The following KIF26B variants were observed in gnomAD, a reference collection of about 807,000 sequenced individuals.
KIF26B encodes kinesin-like protein KIF26B.
A neutral mutation model predicts 151.2 loss-of-function variants in KIF26B; 63 were observed. That is an observed-to-expected ratio of 0.42 (90% CI 0.34 to 0.51). KIF26B has a LOEUF of 0.51. Ranked by LOEUF, KIF26B falls within the 20% of genes least tolerant of loss-of-function variation. KIF26B has a pLI of 0.07. For missense variants in KIF26B, 2,813 were observed against 2,913.6 expected, an observed-to-expected ratio of 0.97 and a Z score of 0.79; for synonymous variants, 1,357 against 1,262.1, an observed-to-expected ratio of 1.08 and a Z score of -1.59.
chr1:245,251,514 G>T (rs972820152), intron 2 of KIF26B, among the ~76,000 whole-genome samples: 4 of 152,030 alleles, frequency 2.6e-5, no homozygotes, highest in African/African-American at 7.2e-5. Context: ...CATTCATAAA[G>T]GTAGCTCCTT....
chr1:245,213,174 G>GA (rs1401295438), intron 2 of KIF26B, among the ~76,000 whole-genome samples: 2 of 152,242 alleles, frequency 1.3e-5, no homozygotes, highest in East Asian at 3.9e-4. Context: ...CCTCTGGAGG[G>GA]AGAGGAAATT....
intron 4 of KIF26B, among the ~76,000 whole-genome samples, chr1:245,505,531 C>A (rs1312402892): frequency 6.6e-6 from 1 of 151,852 alleles, no homozygotes; most frequent in African/African-American, 2.4e-5. Flanking sequence ...TTTACAGGTG[C>A]CTGCAACCAC....
intron 3 of KIF26B, among the ~76,000 whole-genome samples, chr1:245,396,259 A>G (rs1340032735): frequency 3.9e-5 from 6 of 152,210 alleles, no homozygotes; most frequent in Non-Finnish European, 8.8e-5. Flanking sequence ...CCACAAGAGG[A>G]ACAGTTTTGT....
Position 245,708,058 on chromosome 1 carries a change from A to G in KIF26B, c.*5452A>G, listed in dbSNP as rs2044863550. On this transcript the variant is annotated 3_prime_UTR_variant, in exon 15 of 15. Transcript: ENST00000407071. ...CAATCTTAAGGCATTTTGTCCCCTC[A>G]CTGGGTCCCGAGAGGCAGGGAGGGG... 1 of 152,232 alleles carries G rather than the reference A, an allele frequency of 6.6e-6. No homozygotes were observed. Among genetic ancestry groups the G allele is most frequent in the African/African-American group, 2.4e-5 (1 of 41,450 alleles). The allele number at this position is 152,232 out of a possible 1,614,324, so 9.4% of individuals were successfully genotyped here.
At chr1:245,532,238 C>T (rs373733835) in intron 4 of KIF26B, among the ~76,000 whole-genome samples, 2 of 98,534 alleles carry the variant, frequency 2.0e-5, no homozygotes, top group African/African-American at 3.3e-5. Flanking sequence ...CTTTTCTTTT[C>T]TTTTCTTTTC....
chr1:245,537,858 G>A (rs1661520488), intron 4 of KIF26B, among the ~76,000 whole-genome samples: 1 of 152,194 alleles, frequency 6.6e-6, no homozygotes, highest in Non-Finnish European at 1.5e-5. Context: ...AGGATTTCCA[G>A]AGAGGGATCT....
At chr1:245,448,138 G>C (rs1659289728) in intron 4 of KIF26B, among the ~76,000 whole-genome samples, 1 of 152,232 alleles carries the variant, frequency 6.6e-6, no homozygotes, top group African/African-American at 2.4e-5. Flanking sequence ...CAAATCTGCT[G>C]GCACTTTGAT....
intron 5 of KIF26B, among the ~76,000 whole-genome samples, chr1:245,556,227 T>C (rs1292094589): frequency 2.5e-5 from 3 of 120,940 alleles, no homozygotes; most frequent in African/African-American, 5.4e-5. Context: ...CCTCCTCCTC[T>C]TCTTCTTCTT....
intron 2 of KIF26B, chr1:245,226,204 G>A (rs1435962322): frequency 6.6e-6 from 1 of 152,268 alleles, no homozygotes; most frequent in Non-Finnish European, 1.5e-5. Flanking sequence ...TCGTCCACCA[G>A]TGACAGCACT....
chr1:245,404,799 G>T (rs1312671571), intron 3 of KIF26B, among the ~76,000 whole-genome samples: 1 of 152,204 alleles, frequency 6.6e-6, no homozygotes, highest in Non-Finnish European at 1.5e-5. Context: ...TAATGATGCA[G>T]AGAGCAGGGA....
In KIF26B at chr1:245,688,161, G is replaced by C; in HGVS notation, c.5178G>C (p.Lys1726Asn). The change falls in exon 12 of 15, where the codon AAG (lysine) becomes AAC (asparagine). Residue 1726 changes from lysine to asparagine, a missense_variant. Lys to Asn is a moderately conservative substitution (Grantham distance 94, BLOSUM62 0). Transcript: ENST00000407071. Reference sequence around the variant, plus strand: ...CCCCCAGCTCCGGGGCCTCGCCCAAGGCCGGCCAGTCCAAGATCTCCGCCG... The same window carrying C: ...CCCCCAGCTCCGGGGCCTCGCCCAACGCCGGCCAGTCCAAGATCTCCGCCG... Reference protein sequence around the residue: ...TSPPSSGASPKAGQSKISAVS... With the variant: ...TSPPSSGASPNAGQSKISAVS... 1.9e-6 allele frequency: 3 copies of C among 1,596,442 alleles called. No individual in the cohort carries two copies. The highest frequency in any genetic ancestry group is 2.5e-6 in the Non-Finnish European group (3 of 1,178,174).
At chr1:245,680,864 C>T (rs901567586) in intron 10 of KIF26B, among the ~76,000 whole-genome samples, 3 of 152,236 alleles carry the variant, frequency 2.0e-5, no homozygotes, top group South Asian at 2.1e-4. Flanking sequence ...TCTGCCTTCA[C>T]GTTTGGCTCT....
intron 4 of KIF26B, among the ~76,000 whole-genome samples, chr1:245,524,298 G>T (rs1228655433): frequency 6.6e-6 from 1 of 152,176 alleles, no homozygotes; most frequent in Non-Finnish European, 1.5e-5. Context: ...AGACCCTTGA[G>T]GTAGTTACCG....
intron 4 of KIF26B, among the ~76,000 whole-genome samples, chr1:245,484,013 C>T (rs1399210390): frequency 6.6e-6 from 1 of 151,832 alleles, no homozygotes; most frequent in Non-Finnish European, 1.5e-5. Flanking sequence ...TGTTTTTCCT[C>T]ATTCTAATGC....
At chr1:245,417,655 C>T (rs1013334503) in intron 3 of KIF26B, among the ~76,000 whole-genome samples, 1 of 152,236 alleles carries the variant, frequency 6.6e-6, no homozygotes, top group Non-Finnish European at 1.5e-5. Context: ...TCAGGAAGCT[C>T]GTGCATTGAA....
At chr1:245,514,345 G>A (rs1301422318) in intron 4 of KIF26B, among the ~76,000 whole-genome samples, 1 of 152,010 alleles carries the variant, frequency 6.6e-6, no homozygotes, top group Non-Finnish European at 1.5e-5. Context: ...TAGCCAACAT[G>A]GCAAAACCCC....
intron 3 of KIF26B, among the ~76,000 whole-genome samples, chr1:245,398,575 A>G (rs1183851766): frequency 6.6e-6 from 1 of 152,026 alleles, no homozygotes; most frequent in African/African-American, 2.4e-5. Flanking sequence ...GCTCATAGCC[A>G]GTGGAGGGGT....
At chr1:245,441,058 A>C (rs1303416238) in intron 4 of KIF26B, among the ~76,000 whole-genome samples, 1 of 152,196 alleles carries the variant, frequency 6.6e-6, no homozygotes, top group East Asian at 1.9e-4. Flanking sequence ...GGGACAGGTG[A>C]CGGCCTGGCG....
chr1:245,466,808 C>A (rs964798738), intron 4 of KIF26B, among the ~76,000 whole-genome samples: 3 of 152,144 alleles, frequency 2.0e-5, no homozygotes, highest in Non-Finnish European at 4.4e-5. Context: ...TGCCTGTAAT[C>A]CCAGCTACTT....
Sources: allele counts gnomAD v4.1 joint callset (sites outside exome capture counted in the v4.1 genomes callset), GRCh38; gene constraint gnomAD v4.1.1; transcripts MANE v1.5; gene names NCBI Gene and HGNC (gene_info 2026-07-23, HGNC 2026-07-21).